The following DLGAP2 variants were observed in gnomAD, a reference collection of about 807,000 sequenced individuals.
DLGAP2 encodes disks large-associated protein 2.
Under a neutral mutation model 100.3 loss-of-function variants are expected in DLGAP2, and 26 were observed. The ratio of observed to expected loss-of-function variants is 0.26; its 90% confidence interval spans 0.19 to 0.36. The LOEUF is 0.36. Among genes scored for constraint, DLGAP2 ranks in the 10% least tolerant of loss-of-function variants. DLGAP2 has a pLI of 1.00. For synonymous variants in DLGAP2, 886 were observed against 630.1 expected (o/e 1.41, Z -6.08); for missense variants, 1,858 against 1,453.2 (o/e 1.28, Z -4.53).
At chr8:834,686 G>C (rs931230714) in intron 1 of DLGAP2, among the ~76,000 whole-genome samples, 25 of 152,060 alleles carry the variant, frequency 1.6e-4, no homozygotes, top group African/African-American at 5.8e-4. Flanking sequence ...AGGGAGGAGG[G>C]GGTCAAGTGG....
intron 3 of DLGAP2, among the ~76,000 whole-genome samples, chr8:1,497,675 A>G (rs1054688052): frequency 2.0e-5 from 3 of 152,186 alleles, no homozygotes; most frequent in African/African-American, 7.2e-5. Flanking sequence ...GGCTCTACCT[A>G]TGGCCTGTCC....
intron 3 of DLGAP2, among the ~76,000 whole-genome samples, chr8:1,270,301 G>C (rs1009460544): frequency 1.3e-5 from 2 of 152,188 alleles, no homozygotes; most frequent in African/African-American, 4.8e-5. Flanking sequence ...TGGAGCAACA[G>C]CTCTGAAAAA....
chr8:986,825 AATTTTTGT>A (rs1800501649), intron 2 of DLGAP2, among the ~76,000 whole-genome samples: 1 of 151,950 alleles, frequency 6.6e-6, no homozygotes, highest in African/African-American at 2.4e-5. Context: ...ATGCCTGGCT[AATTTTTGT>A]ATTTTTGGTA....
At chr8:1,448,389 G>A (rs1318056878) in intron 3 of DLGAP2, among the ~76,000 whole-genome samples, 1 of 152,148 alleles carries the variant, frequency 6.6e-6, no homozygotes, top group Non-Finnish European at 1.5e-5. Context: ...CCATGTAGTT[G>A]AGTGGTTTTG....
chr8:1,489,190 G>A (rs1277678478), intron 3 of DLGAP2, among the ~76,000 whole-genome samples: 1 of 152,188 alleles, frequency 6.6e-6, no homozygotes, highest in Non-Finnish European at 1.5e-5. Flanking sequence ...GCTGAAGTTT[G>A]AGCTGCTCGA....
intron 2 of DLGAP2, among the ~76,000 whole-genome samples, chr8:1,168,318 T>C (rs1044707189): frequency 4.0e-4 from 61 of 151,850 alleles, no homozygotes; most frequent in Non-Finnish European, 8.7e-4. Context: ...TCTTTGCTAT[T>C]GTGAATAGTG....
At chr8:1,434,283 G>A (rs998723290) in intron 3 of DLGAP2, among the ~76,000 whole-genome samples, 6 of 152,164 alleles carry the variant, frequency 3.9e-5, no homozygotes, top group African/African-American at 1.2e-4. Flanking sequence ...AGTCTGCAGA[G>A]ATGGGGTCCT....
At chr8:1,049,898 A>G (rs149364281) in intron 2 of DLGAP2, among the ~76,000 whole-genome samples, 455 of 152,378 alleles carry the variant, frequency 3.0e-3, no homozygotes, top group Non-Finnish European at 4.0e-3. Flanking sequence ...ATGTGTACAC[A>G]CATGTGCAGG....
chr8:1,649,187 A>C (rs1185052717), intron 8 of DLGAP2, among the ~76,000 whole-genome samples: 1 of 152,236 alleles, frequency 6.6e-6, no homozygotes, highest in Admixed American at 6.5e-5. Flanking sequence ...TATATCAAAA[A>C]TATTTTTAAA....
intron 3 of DLGAP2, among the ~76,000 whole-genome samples, chr8:1,364,819 T>C (rs1802072540): frequency 6.6e-6 from 1 of 151,984 alleles, no homozygotes; most frequent in Non-Finnish European, 1.5e-5. Flanking sequence ...TACGTCGGAG[T>C]TGGGGAGGCT....
intron 2 of DLGAP2, among the ~76,000 whole-genome samples, chr8:926,386 G>A (rs1220085409): frequency 6.6e-6 from 1 of 152,208 alleles, no homozygotes; most frequent in African/African-American, 2.4e-5. Context: ...GTGCACCTGT[G>A]TGGCCCTGGC....
At chr8:1,123,184 G>C (rs1387118886) in intron 2 of DLGAP2, among the ~76,000 whole-genome samples, 1 of 152,192 alleles carries the variant, frequency 6.6e-6, no homozygotes, top group African/African-American at 2.4e-5. Flanking sequence ...GAACCAAAAG[G>C]CTTCCCCATT....
chr8:891,940 AC>A (rs1798043891), intron 1 of DLGAP2, among the ~76,000 whole-genome samples: 1 of 152,216 alleles, frequency 6.6e-6, no homozygotes, highest in Non-Finnish European at 1.5e-5. Context: ...GCTGCGCCAC[AC>A]AGAGCATGGA....
chr8:1,315,408 G>A (rs1462331071), intron 3 of DLGAP2, among the ~76,000 whole-genome samples: 4 of 140,986 alleles, frequency 2.8e-5, no homozygotes, highest in East Asian at 4.3e-4. Context: ...CGAGAAACTC[G>A]GCAGCTTTTA....
intron 1 of DLGAP2, among the ~76,000 whole-genome samples, chr8:812,734 T>C (rs1445142229): frequency 1.3e-5 from 2 of 152,184 alleles, no homozygotes; most frequent in Non-Finnish European, 2.9e-5. Flanking sequence ...GGATAACAGA[T>C]TAGCAATCAT....
chr8:1,058,727 C>CTA (rs1176851573), intron 2 of DLGAP2, among the ~76,000 whole-genome samples: 12 of 152,100 alleles, frequency 7.9e-5, no homozygotes, highest in African/African-American at 2.9e-4. Context: ...GACAGATTGG[C>CTA]CTTATATTAT....
chr8:1,043,248 G>T (rs1185856928), intron 2 of DLGAP2, among the ~76,000 whole-genome samples: 1 of 119,546 alleles, frequency 8.4e-6, no homozygotes, highest in East Asian at 2.3e-4. Context: ...GGGTGTGGGT[G>T]GTGGGTGTGG....
chr8:1,490,722 C>G (rs1406915344), intron 3 of DLGAP2, among the ~76,000 whole-genome samples: 9 of 152,136 alleles, frequency 5.9e-5, no homozygotes, highest in Non-Finnish European at 4.4e-5. Context: ...GACCTGGGCC[C>G]CACACCAGAA....
intron 8 of DLGAP2, among the ~76,000 whole-genome samples, chr8:1,654,711 A>G (rs1798245494): frequency 6.6e-6 from 1 of 151,906 alleles, no homozygotes; most frequent in East Asian, 1.9e-4. Flanking sequence ...CTACTTATCA[A>G]TTGGATTGGG....
Sources: allele counts gnomAD v4.1 joint callset (sites outside exome capture counted in the v4.1 genomes callset), GRCh38; gene constraint gnomAD v4.1.1; transcripts MANE v1.5; gene names NCBI Gene and HGNC (gene_info 2026-07-23, HGNC 2026-07-21).